The following NFIX variants were observed in gnomAD, a reference collection of about 807,000 sequenced individuals.
NFIX encodes the protein nuclear factor I X.
In NFIX, 2 loss-of-function variants were observed where a neutral mutation model predicts 53.3. That is an observed-to-expected ratio of 0.04 (90% CI 0.02 to 0.12). NFIX has a LOEUF of 0.12. Ranked by LOEUF, NFIX falls within the 10% of genes least tolerant of loss-of-function variation. NFIX has a pLI of 1.00. For missense variants in NFIX, 310 were observed against 674.5 expected (o/e 0.46, Z 5.99); for synonymous variants, 244 against 289.0 (o/e 0.84, Z 1.58).
chr19:13,009,683 G>T lies in NFIX; in HGVS notation c.27+13819G>T, dbSNP rs375962474. ...CCCCTGGCTGGGAAAACAGGGCCAC[G>T]CCCTCCCCACCAAATGCTACTTGGC... On this transcript the variant is annotated intron_variant, in intron 1 of 10. Transcript: ENST00000592199. The surrounding 1 kb of genome is among the most constrained non-coding windows in gnomAD (Gnocchi z 4.7). Among the ~76,000 whole-genome samples, 19 of 152,296 alleles carry T rather than the reference G, an allele frequency of 1.2e-4. No individual in the cohort carries two copies. The East Asian group carries it at 3.1e-3, about 25-fold the overall frequency.
In NFIX at chr19:13,081,705, C is replaced by T. The variant is rs997380536; in HGVS notation, c.1104C>T (p.Ala368=). ...GGAGCCCCCGGGCCACAGCATCAGC[C>T]CTGCACTTCCCCTCCACGTCCATCA... ...RPGSPRATAS[A]LHFPSTSIIQ... Residue 368 remains alanine, a synonymous_variant, in exon 8 of 11, where the codon GCC becomes GCT. Transcript: ENST00000592199. This position sits in a 1 kb window ranked among gnomAD's most constrained non-coding sequence, Gnocchi z 4.7. The T allele has an allele frequency of 2.5e-6, 4 of 1,613,902 alleles. No individual in the cohort carries two copies. The highest frequency in any genetic ancestry group is 3.4e-6 in the Non-Finnish European group (4 of 1,179,866).
chr19:13,061,626 GC>G (rs1438761674), intron 2 of NFIX, among the ~76,000 whole-genome samples: 62 of 152,330 alleles, frequency 4.1e-4, no homozygotes, highest in African/African-American at 1.5e-3. Context: ...CCTGAGCCGT[GC>G]TGCTCGGCAG....
chr19:13,072,636 G>A lies in NFIX; in HGVS notation c.560-411G>A, dbSNP rs2016837402. On this transcript the variant is annotated intron_variant, in intron 2 of 10. Coordinates refer to ENST00000592199, the MANE Select transcript of NFIX (RefSeq NM_001365902.3). This position sits in a 1 kb window ranked among gnomAD's most constrained non-coding sequence, Gnocchi z 4.0. ...GGACCCCTCTTTGCTCCTGACTCTT[G>A]GCCGGTGCTTCTTACCTGAGGGTGA... 6.6e-6 allele frequency among the ~76,000 whole-genome samples: 1 copy of A among 152,198 alleles called. No homozygotes were observed. Among genetic ancestry groups the A allele is most frequent in the African/African-American group, 2.4e-5 (1 of 41,442 alleles).
chr19:13,018,496 A>C (rs2012792771), intron 1 of NFIX, among the ~76,000 whole-genome samples: 1 of 152,244 alleles, frequency 6.6e-6, no homozygotes, highest in Admixed American at 6.5e-5. Context: ...TGAGCAGAGG[A>C]AAACAGGCCC....
chr19:13,002,409 C>T lies in NFIX; in HGVS notation c.27+6545C>T, dbSNP rs2011760565. Among the ~76,000 whole-genome samples the T allele has an allele frequency of 1.3e-5, 2 of 152,114 alleles. No individual in the cohort carries two copies. The highest frequency in any genetic ancestry group is 2.1e-4 in the South Asian group (1 of 4,830). On this transcript the variant is annotated intron_variant, in intron 1 of 10. Coordinates refer to ENST00000592199, the MANE Select transcript of NFIX (RefSeq NM_001365902.3). The surrounding 1 kb of genome is among the most constrained non-coding windows in gnomAD (Gnocchi z 6.1). Reference sequence around the variant, plus strand: ...TCACCACCTCCCCCCTCCCGAGGAGCCCCTCTGAGGGCGGGAGTGGCCTCG... The same window carrying T: ...TCACCACCTCCCCCCTCCCGAGGAGTCCCTCTGAGGGCGGGAGTGGCCTCG...
intron 2 of NFIX, among the ~76,000 whole-genome samples, chr19:13,055,927 G>C (rs896196138): frequency 6.6e-6 from 1 of 152,318 alleles, no homozygotes; most frequent in East Asian, 1.9e-4. Flanking sequence ...CAGCCCCACG[G>C]AGGTGACCCC....
At chr19:13,004,428 G>A (rs1037418197) in intron 1 of NFIX, among the ~76,000 whole-genome samples, 10 of 152,058 alleles carry the variant, frequency 6.6e-5, no homozygotes, top group Admixed American at 3.3e-4. Context: ...CACAGTCGGC[G>A]TGCCATGTAC....
Position 13,088,042 on chromosome 19 carries a change from G to GCCT in NFIX, c.1311_1313dup (p.Pro438dup). On this transcript the variant is annotated inframe_insertion, in exon 9 of 11. Transcript: ENST00000592199. The surrounding 1 kb of genome is among the most constrained non-coding windows in gnomAD (Gnocchi z 5.9). ...CGGGGTCATTTTTGCTACCGCCGCC[G>GCCT]CCTCCAGTGGCCAGACCTGTGCCCC... 1 of 1,536,190 alleles carries GCCT rather than the reference G, an allele frequency of 6.5e-7. No individual in the cohort carries two copies. Among genetic ancestry groups the GCCT allele is most frequent in the Non-Finnish European group, 8.7e-7 (1 of 1,146,928 alleles).
At chr19:13,082,723 T>C (rs910373546) in intron 8 of NFIX, among the ~76,000 whole-genome samples, 8 of 152,216 alleles carry the variant, frequency 5.3e-5, no homozygotes, top group Non-Finnish European at 1.2e-4. Context: ...TTTCTAGACC[T>C]CTGGGAAAAA....
At position 13,002,760 on chromosome 19, in the gene NFIX, G is replaced by C. The variant is rs2011783727; in HGVS notation, c.27+6896G>C. Reference sequence around the variant, plus strand: ...GCTCTGCAGCCAATCGGAAGCCGGGGTTGCACTGGGGAGCTCTCCCCCCAC... The same window carrying C: ...GCTCTGCAGCCAATCGGAAGCCGGGCTTGCACTGGGGAGCTCTCCCCCCAC... On this transcript the variant is annotated intron_variant, in intron 1 of 10. Transcript: ENST00000592199. This position sits in a 1 kb window ranked among gnomAD's most constrained non-coding sequence, Gnocchi z 6.1. Among the ~76,000 whole-genome samples the C allele has an allele frequency of 6.6e-6, 1 of 152,182 alleles. No individual in the cohort carries two copies. The highest frequency in any genetic ancestry group is 1.5e-5 in the Non-Finnish European group (1 of 68,010).
intron 2 of NFIX, among the ~76,000 whole-genome samples, chr19:13,044,738 A>G (rs2014873572): frequency 6.6e-6 from 1 of 152,174 alleles, no homozygotes. Flanking sequence ...CTGCCTCGCT[A>G]TTAATCTACC....
Position 13,081,580 on chromosome 19 carries a change from C to G in NFIX, c.1079-100C>G. 7.6e-7 allele frequency: 1 copy of G among 1,311,184 alleles called. No individual in the cohort carries two copies. The highest frequency in any genetic ancestry group is 1.0e-6 in the Non-Finnish European group (1 of 959,656). The allele number at this position is 1,311,184 out of a possible 1,614,324, so 81.2% of individuals were successfully genotyped here. On this transcript the variant is annotated intron_variant, in intron 7 of 10. Transcript: ENST00000592199. This position sits in a 1 kb window ranked among gnomAD's most constrained non-coding sequence, Gnocchi z 4.7. Reference sequence around the variant, plus strand: ...GCGGCTGCCTTACCTGCTCAGGATCCTCAGGACCCTCTGACCGGCAGCTCC... The same window carrying G: ...GCGGCTGCCTTACCTGCTCAGGATCGTCAGGACCCTCTGACCGGCAGCTCC...
At chr19:13,010,013 C>T (rs950568665) in intron 1 of NFIX, among the ~76,000 whole-genome samples, 2 of 152,188 alleles carry the variant, frequency 1.3e-5, no homozygotes, top group African/African-American at 4.8e-5. Context: ...CTGGCCCAGG[C>T]AGGCCCCGCC....
chr19:13,083,187 G>C (rs536849702), intron 8 of NFIX, among the ~76,000 whole-genome samples: 5 of 152,326 alleles, frequency 3.3e-5, no homozygotes, highest in South Asian at 2.1e-4. Context: ...GGAGGGAAGA[G>C]CAGACCTGAC....
In NFIX at chr19:13,004,548, T is replaced by G. The variant is rs1021725792; in HGVS notation, c.27+8684T>G. Among the ~76,000 whole-genome samples the G allele has an allele frequency of 5.9e-5, 9 of 152,290 alleles. No individual in the cohort carries two copies. In the East Asian group the frequency reaches 1.5e-3, roughly 26 times the overall value. ...GAAATGGTGCCTGAGAGCTGAGACC[T>G]GCCCTGGTGGCACCTCCCCTCTGCT... On this transcript the variant is annotated intron_variant, in intron 1 of 10. Coordinates refer to ENST00000592199, the MANE Select transcript of NFIX (RefSeq NM_001365902.3).
Position 13,009,194 on chromosome 19 carries a change from C to T in NFIX, c.27+13330C>T, listed in dbSNP as rs1455054829. Among the ~76,000 whole-genome samples the T allele has an allele frequency of 6.6e-6, 1 of 152,172 alleles. No homozygotes were observed. The highest frequency in any genetic ancestry group is 1.5e-5 in the Non-Finnish European group (1 of 68,036). On this transcript the variant is annotated intron_variant, in intron 1 of 10. Coordinates refer to ENST00000592199, the MANE Select transcript of NFIX (RefSeq NM_001365902.3). This position sits in a 1 kb window ranked among gnomAD's most constrained non-coding sequence, Gnocchi z 4.7. Reference sequence around the variant, plus strand: ...GCACACACACACACAGCGGCACAGTCGCACACACAGCCAGCCTCACGCGAT... The same window carrying T: ...GCACACACACACACAGCGGCACAGTTGCACACACAGCCAGCCTCACGCGAT...
At chr19:13,055,731 C>T (rs1333532187) in intron 2 of NFIX, among the ~76,000 whole-genome samples, 2 of 152,174 alleles carry the variant, frequency 1.3e-5, no homozygotes, top group African/African-American at 2.4e-5. Context: ...TGAGGCCAGC[C>T]CTCAGGCTCG....
intron 2 of NFIX, among the ~76,000 whole-genome samples, chr19:13,035,430 A>G (rs2014117124): frequency 6.6e-6 from 1 of 152,072 alleles, no homozygotes. Context: ...GATCTGGGGA[A>G]CAGGACAGGG....
Position 13,073,543 on chromosome 19 carries a change from G to A in NFIX, c.697+47G>A. On this transcript the variant is annotated intron_variant, in intron 4 of 10. Transcript: ENST00000592199. The surrounding 1 kb of genome is among the most constrained non-coding windows in gnomAD (Gnocchi z 4.5). ...GGCCAGGGATGGGGATTGAAAGTGA[G>A]GAGGTGGGACCTCATGGGATGTCCT... 1 of 1,555,696 alleles carries A rather than the reference G, an allele frequency of 6.4e-7. No homozygotes were observed. Among genetic ancestry groups the A allele is most frequent in the Non-Finnish European group, 8.9e-7 (1 of 1,126,952 alleles).
Sources: allele counts gnomAD v4.1 joint callset (sites outside exome capture counted in the v4.1 genomes callset), GRCh38; gene constraint gnomAD v4.1.1; non-coding constraint Gnocchi (gnomAD v3.1); transcripts MANE v1.5; gene names NCBI Gene and HGNC (gene_info 2026-07-23, HGNC 2026-07-21).